PLBD2: variants seen among roughly 807,000 people sequenced by gnomAD.
The protein encoded by PLBD2 is phospholipase B domain containing 2, also known as putative aminopeptidase PLBD2.
Under a neutral mutation model 68.3 loss-of-function variants are expected in PLBD2, and 51 were observed. The observed-to-expected ratio is 0.75, with a 90% CI of 0.60 to 0.94. The LOEUF (loss-of-function observed/expected upper bound fraction) is 0.94. Among genes scored for constraint, PLBD2 ranks in the 40% least tolerant of loss-of-function variants. PLBD2 has a pLI of 0.00. For synonymous variants in PLBD2, 314 were observed against 339.3 expected, an observed-to-expected ratio of 0.93 and a Z score of 0.82; for missense variants, 729 against 792.2, an observed-to-expected ratio of 0.92 and a Z score of 0.96.
chr12:113,385,241 C>G lies in PLBD2; in HGVS notation c.1244C>G (p.Ser415Trp). ...ATGGTGGTGGTGGCTGACAAGACCT[C>G]GGAGCTCTACCAGAAGACCTACTGG... The part of the protein sequence containing the change: ...PGMVVVADKT[S>W]ELYQKTYWAS... Residue 415 changes from serine to tryptophan, a missense_variant, in exon 9 of 12, where the codon TCG becomes TGG. Transcript: ENST00000280800. The G allele has an allele frequency of 1.9e-6, 3 of 1,614,168 alleles. No individual in the cohort carries two copies. Among genetic ancestry groups the G allele is most frequent in the African/African-American group, 2.7e-5 (2 of 75,040 alleles).
rs550520755 is a variant in PLBD2, at chr12:113,388,639, G to T, written c.*13G>T. ...TTCATGGGACTGAAGTTCTGTCCCT[G>T]CTCTGCTGCTTTCGCCCCTGCTGAC... is the stretch of plus-strand genomic sequence containing the variant. On this transcript the variant is annotated 3_prime_UTR_variant, in exon 12 of 12. Coordinates refer to ENST00000280800, the MANE Select transcript of PLBD2 (RefSeq NM_173542.4). 3.2e-4 allele frequency: 502 copies of T among 1,554,304 alleles called. 4 individuals carry two copies. In the South Asian group the frequency reaches 5.6e-3, roughly 17 times the overall value.
chr12:113,367,759 A>AAAAAAAAAAG (rs750382479), intron 1 of PLBD2, among the ~76,000 whole-genome samples: 10 of 148,094 alleles, frequency 6.8e-5, no homozygotes, highest in African/African-American at 2.3e-4. Flanking sequence ...AAAAAAAAAA[A>AAAAAAAAAAG]AAAAAAGAAA....
At chr12:113,379,215 A>G (rs944635425) in intron 5 of PLBD2, among the ~76,000 whole-genome samples, 45 of 150,048 alleles carry the variant, frequency 3.0e-4, no homozygotes, top group African/African-American at 1.1e-3. Flanking sequence ...GGCTGAGACA[A>G]GAGAATCACT....
At chr12:113,368,494 G>A (rs545914201) in intron 1 of PLBD2, among the ~76,000 whole-genome samples, 1 of 152,296 alleles carries the variant, frequency 6.6e-6, no homozygotes, top group Admixed American at 6.5e-5. Flanking sequence ...GGGCAAGTGA[G>A]GCTTCCTGAA....
intron 1 of PLBD2, among the ~76,000 whole-genome samples, chr12:113,362,553 GC>G (rs1957304720): frequency 2.0e-5 from 3 of 150,910 alleles, no homozygotes; most frequent in South Asian, 4.2e-4. Flanking sequence ...GACATTAGCT[GC>G]CCCTGGCATG....
Position 113,374,899 on chromosome 12 carries a change from C to G in PLBD2, c.751C>G (p.Leu251Val). 6.2e-7 allele frequency: 1 copy of G among 1,614,120 alleles called. No individual in the cohort carries two copies. The highest frequency in any genetic ancestry group is 8.5e-7 in the Non-Finnish European group (1 of 1,180,036). Reference sequence around the variant, plus strand: ...CTCCTGTTCTGCCCTCATCAAGCTGCTCCCTGGCCAGAGTGACCTCCTGGT... The same window carrying G: ...CTCCTGTTCTGCCCTCATCAAGCTGGTCCCTGGCCAGAGTGACCTCCTGGT... Reference protein sequence around the residue: ...SGSCSALIKLLPGQSDLLVAH... With the variant: ...SGSCSALIKLVPGQSDLLVAH... Residue 251 changes from leucine to valine, a missense_variant, in exon 5 of 12, where the codon CTC becomes GTC. Physicochemically the swap from Leu to Val is conservative, Grantham distance 32. Transcript: ENST00000280800.
At chr12:113,386,559 G>A (rs536687641) in intron 9 of PLBD2, among the ~76,000 whole-genome samples, 8 of 148,728 alleles carry the variant, frequency 5.4e-5, no homozygotes, top group East Asian at 4.0e-4. Context: ...TCGCTGTGTC[G>A]CCCAGGTTGG....
In PLBD2 at chr12:113,384,337, C is replaced by G. The variant is rs931813171; in HGVS notation, c.1118+72C>G. On this transcript the variant is annotated intron_variant, in intron 7 of 11. Coordinates refer to ENST00000280800, the MANE Select transcript of PLBD2 (RefSeq NM_173542.4). This position sits in a 1 kb window ranked among gnomAD's most constrained non-coding sequence, Gnocchi z 4.2. ...ACCAACCTCCCCTTTAACACTCACA[C>G]TCCTGGGGACCAGATGTGGCATCCG... The G allele has an allele frequency of 5.1e-5, 78 of 1,518,286 alleles. No homozygotes were observed. Among genetic ancestry groups the G allele is most frequent in the Non-Finnish European group, 6.7e-5 (76 of 1,126,544 alleles). 94.1% of individuals were successfully genotyped at this position (1,518,286 alleles called of 1,614,324 possible). A position where few individuals can be genotyped will look rare whatever the true frequency, so the allele number is the denominator to read the frequency against.
rs1429437386 is a variant in PLBD2, at chr12:113,389,417, G to C, written c.*791G>C. On this transcript the variant is annotated 3_prime_UTR_variant, in exon 12 of 12. Coordinates refer to ENST00000280800, the MANE Select transcript of PLBD2 (RefSeq NM_173542.4). ...CTGTGGCCCCATGCTGTGCTTCTTG[G>C]GGTGGCAGGGAAGGTGGGGTCAGCG... is the stretch of plus-strand genomic sequence containing the variant. 2 of 152,238 alleles carry C rather than the reference G, an allele frequency of 1.3e-5. No individual in the cohort carries two copies. The highest frequency in any genetic ancestry group is 3.9e-4 in the East Asian group (2 of 5,188). 9.4% of individuals were successfully genotyped at this position (152,238 alleles called of 1,614,324 possible).
rs1038075750 is a variant in PLBD2, at chr12:113,388,360, A to G, written c.1603-99A>G. ...TCAAAAAAAAAAAAAGTGACAGTTC[A>G]GAATTGGGCTCTGGGGTCAAGGTCA... On this transcript the variant is annotated intron_variant, in intron 11 of 11. Transcript: ENST00000280800. The G allele has an allele frequency of 1.2e-5, 15 of 1,202,242 alleles. No individual in the cohort carries two copies. The East Asian group carries it at 3.9e-4, about 31-fold the overall frequency. The allele number at this position is 1,202,242 out of a possible 1,614,324, so 74.5% of individuals were successfully genotyped here. A position where few individuals can be genotyped will look rare whatever the true frequency, so the allele number is the denominator to read the frequency against.
chr12:113,368,401 T>C (rs1420230981), intron 1 of PLBD2, among the ~76,000 whole-genome samples: 4 of 152,212 alleles, frequency 2.6e-5, no homozygotes, highest in African/African-American at 9.6e-5. Flanking sequence ...ACAGACCTGG[T>C]GTGCTTGTGT....
Position 113,384,861 on chromosome 12 carries a change from C to T in PLBD2, c.1129C>T (p.Gln377Ter). Reference sequence around the variant, plus strand: ...TCCCCTGCCCGGCAGGTATAACAACCAGTGGATGATCGTGGACTACAAGGC... The same window carrying T: ...TCCCCTGCCCGGCAGGTATAACAACTAGTGGATGATCGTGGACTACAAGGC... ...KRFNSGTYNN[Q>*]WMIVDYKAFI... Residue 377 changes from glutamine (Q) to a stop codon, truncating the protein, a stop_gained, in exon 8 of 12, where the codon CAG becomes TAG. Coordinates refer to ENST00000280800, the MANE Select transcript of PLBD2 (RefSeq NM_173542.4). LOFTEE classifies it high-confidence loss of function. This position sits in a 1 kb window ranked among gnomAD's most constrained non-coding sequence, Gnocchi z 4.2. 1.2e-6 allele frequency: 2 copies of T among 1,613,980 alleles called. No individual in the cohort carries two copies. Among genetic ancestry groups the T allele is most frequent in the Non-Finnish European group, 1.7e-6 (2 of 1,179,976 alleles).
chr12:113,369,076 G>A (rs1312438147), intron 1 of PLBD2, 40 bp from the exon 2 acceptor site: 1 of 1,422,092 alleles, frequency 7.0e-7, no homozygotes, highest in Admixed American at 2.0e-5. Context: ...CTAGCTGGGG[G>A]CCTCTGCTGC....
intron 1 of PLBD2, among the ~76,000 whole-genome samples, chr12:113,367,130 G>A (rs1486054242): frequency 1.3e-5 from 2 of 152,144 alleles, no homozygotes; most frequent in Non-Finnish European, 2.9e-5. Flanking sequence ...TTAGTGACAA[G>A]CAGAGGGCTA....
At chr12:113,361,344 T>G (rs1052293425) in intron 1 of PLBD2, among the ~76,000 whole-genome samples, 2 of 144,586 alleles carry the variant, frequency 1.4e-5, no homozygotes, top group African/African-American at 2.6e-5. Context: ...TTTTTTTGTT[T>G]TTTTTTTTTT....
intron 1 of PLBD2, among the ~76,000 whole-genome samples, chr12:113,359,744 C>T (rs1435595748): frequency 6.6e-6 from 1 of 152,140 alleles, no homozygotes; most frequent in Non-Finnish European, 1.5e-5. Context: ...TGATGGTTGG[C>T]CTTAGGGACA....
Position 113,388,582 on chromosome 12 carries a change from C to A in PLBD2, c.1726C>A (p.Pro576Thr), listed in dbSNP as rs1298445177. 1.2e-6 allele frequency: 2 copies of A among 1,605,624 alleles called. No individual in the cohort carries two copies. The highest frequency in any genetic ancestry group is 1.3e-5 in the African/African-American group (1 of 74,766). Residue 576 changes from proline to threonine, a missense_variant, in exon 12 of 12, where the codon CCA becomes ACA. Coordinates refer to ENST00000280800, the MANE Select transcript of PLBD2 (RefSeq NM_173542.4). ...CAGCGGCCTGCTGCACATGGGCCAG[C>A]CAGACCTCTGGAAGTTCGCGCCTGT... ...PFSGLLHMGQ[P>T]DLWKFAPVKV...
rs747282506 is a variant in PLBD2 at position 113,388,724 on chromosome 12, G to A, written c.*98G>A. 3.0e-6 allele frequency: 4 copies of A among 1,349,874 alleles called. No individual in the cohort carries two copies. The highest frequency in any genetic ancestry group is 4.0e-6 in the Non-Finnish European group (4 of 1,011,288). 83.6% of individuals were successfully genotyped at this position (1,349,874 alleles called of 1,614,324 possible). A position where few individuals can be genotyped will look rare whatever the true frequency, so the allele number is the denominator to read the frequency against. On this transcript the variant is annotated 3_prime_UTR_variant, in exon 12 of 12. Coordinates refer to ENST00000280800, the MANE Select transcript of PLBD2 (RefSeq NM_173542.4). ...GACTTCTAACTCCAGCCCCTCCTGG[G>A]GGCTTCGTTCTCTGATCTGGGGTCT...
At chr12:113,382,689 C>T (rs1367327104) in intron 6 of PLBD2, among the ~76,000 whole-genome samples, 1 of 151,776 alleles carries the variant, frequency 6.6e-6, no homozygotes, top group Non-Finnish European at 1.5e-5. Context: ...GCAATCTGAC[C>T]CCCTTGGCCT....
Sources: gnomAD v4.1 joint callset for allele counts (sites outside exome capture counted in the v4.1 genomes callset) on GRCh38, gnomAD v4.1.1 for gene constraint, Gnocchi (gnomAD v3.1) non-coding constraint, MANE v1.5 for transcripts, NCBI Gene and HGNC (gene_info 2026-07-23, HGNC 2026-07-21) for gene names.